The following UNC13B variants were observed in gnomAD, a reference collection of about 807,000 sequenced individuals.
UNC13B encodes unc-13 homolog B, also known as protein unc-13 homolog B.
Under a neutral mutation model 211.0 loss-of-function variants are expected in UNC13B, and 144 were observed. That is an observed-to-expected ratio of 0.68 (90% CI 0.60 to 0.78). The LOEUF is 0.78. UNC13B is among the 30% of genes least tolerant of loss of function. UNC13B has a pLI of 0.00. For synonymous variants in UNC13B, 709 were observed against 725.8 expected (o/e 0.98, Z 0.37); for missense variants, 1,777 against 2,002.0 (o/e 0.89, Z 2.14).
Position 35,313,946 on chromosome 9 carries a change from A to G in UNC13B, c.9371A>G (p.His3124Arg). ...ASSPFTQARA[H>R]WIRAVTKVRL... ...TCACCATTTACCCAAGCCAGAGCAC[A>G]TTGGATCCGAGCAGTTACCAAGGTT... The change falls in exon 11 of 40, where the codon CAT becomes CGT. Residue 3124 changes from histidine (H) to arginine (R), a missense_variant. Coordinates refer to ENST00000635942, the MANE Select transcript of UNC13B (RefSeq NM_001371189.2). The G allele has an allele frequency of 6.2e-7, 1 of 1,613,968 alleles. No individual in the cohort carries two copies. Among genetic ancestry groups the G allele is most frequent in the South Asian group, 1.1e-5 (1 of 91,084 alleles).
At chr9:35,162,447 A>G (rs1337060872) in intron 1 of UNC13B, 142 bp downstream of exon 1, 3 of 1,140,178 alleles carry the variant, frequency 2.6e-6, no homozygotes, top group Non-Finnish European at 3.6e-6. Context: ...CAATCACTTA[A>G]CAATCACTTG....
intron 1 of UNC13B, among the ~76,000 whole-genome samples, chr9:35,226,948 C>T (rs1176494523): frequency 2.0e-5 from 3 of 152,180 alleles, no homozygotes; most frequent in African/African-American, 2.4e-5. Flanking sequence ...CGTTGACTAG[C>T]ATAATGGCAA....
chr9:35,187,836 G>A (rs1477094209), intron 1 of UNC13B, among the ~76,000 whole-genome samples: 4 of 152,292 alleles, frequency 2.6e-5, no homozygotes, highest in African/African-American at 7.2e-5. Context: ...AACCCTGGAC[G>A]GGGACTGTGT....
intron 7 of UNC13B, among the ~76,000 whole-genome samples, chr9:35,278,814 A>G (rs1006757501): frequency 6.6e-6 from 1 of 152,078 alleles, no homozygotes; most frequent in Non-Finnish European, 1.5e-5. Context: ...TTTTTTCTGT[A>G]CCCTGTCCTT....
intron 1 of UNC13B, among the ~76,000 whole-genome samples, chr9:35,185,621 C>A (rs551935827): frequency 6.6e-6 from 1 of 152,162 alleles, no homozygotes; most frequent in East Asian, 1.9e-4. Flanking sequence ...TCTCTATAAT[C>A]CGAAAATAAA....
chr9:35,219,339 C>A (rs1459895183), intron 1 of UNC13B, among the ~76,000 whole-genome samples: 2 of 152,114 alleles, frequency 1.3e-5, no homozygotes, highest in Non-Finnish European at 2.9e-5. Context: ...CCACTTGACT[C>A]ATGGCTGGCA....
chr9:35,262,739 C>T (rs549725943), intron 7 of UNC13B, among the ~76,000 whole-genome samples: 3 of 151,992 alleles, frequency 2.0e-5, no homozygotes, highest in Non-Finnish European at 4.4e-5. Flanking sequence ...TAGACCAATC[C>T]GGGCAACATG....
intron 11 of UNC13B, among the ~76,000 whole-genome samples, chr9:35,314,209 C>T (rs1830331744): frequency 6.6e-6 from 1 of 152,142 alleles, no homozygotes; most frequent in Non-Finnish European, 1.5e-5. Flanking sequence ...GAGAGCCTGA[C>T]TGTAAAGTTA....
At chr9:35,351,487 GA>G in intron 11 of UNC13B, 1 of 1,232,040 alleles carries the variant, frequency 8.1e-7, no homozygotes, top group Non-Finnish European at 1.0e-6. Flanking sequence ...CCAGAAATAA[GA>G]GGAAGAAGCA....
intron 11 of UNC13B, among the ~76,000 whole-genome samples, chr9:35,350,675 G>A (rs1037256019): frequency 6.6e-6 from 1 of 152,210 alleles, no homozygotes; most frequent in African/African-American, 2.4e-5. Flanking sequence ...TGTGCGTACT[G>A]TGCCACTTTA....
intron 12 of UNC13B, among the ~76,000 whole-genome samples, chr9:35,367,835 TAAAGAG>T (rs1833873684): frequency 6.6e-6 from 1 of 152,194 alleles, no homozygotes; most frequent in African/African-American, 2.4e-5. Flanking sequence ...TGACTGTTCT[TAAAGAG>T]AGAAGAGAGT....
intron 6 of UNC13B, among the ~76,000 whole-genome samples, chr9:35,247,522 C>T (rs1465091289): frequency 2.3e-4 from 35 of 152,174 alleles, no homozygotes; most frequent in East Asian, 1.5e-3. Flanking sequence ...TTTTGAGATA[C>T]GTCCCATCAG....
chr9:35,172,324 A>G (rs1240268898), intron 1 of UNC13B, among the ~76,000 whole-genome samples: 1 of 152,158 alleles, frequency 6.6e-6, no homozygotes, highest in Non-Finnish European at 1.5e-5. Flanking sequence ...TACTGGGAAC[A>G]CTGGAATTCT....
At position 35,301,719 on chromosome 9, in the gene UNC13B, A is replaced by G; in HGVS notation, c.2315A>G (p.Lys772Arg). Residue 772 changes from lysine to arginine, a missense_variant, in exon 9 of 40, where the codon AAA (lysine) becomes AGA (arginine). Lys to Arg is a conservative substitution (Grantham distance 26). Transcript: ENST00000635942. ...CCAGATCAACAAAAAATATGTGCCA[A>G]AGATACTCCAGGACATCCTTGTATA... Reference protein sequence around the residue: ...LLPDQQKICAKDTPGHPCIAG... With the variant: ...LLPDQQKICARDTPGHPCIAG... 2 of 398,910 alleles carry G rather than the reference A, an allele frequency of 5.0e-6. No individual in the cohort carries two copies. The highest frequency in any genetic ancestry group is 8.9e-6 in the Non-Finnish European group (2 of 225,916). 24.7% of individuals were successfully genotyped at this position (398,910 alleles called of 1,614,324 possible). A position where few individuals can be genotyped will look rare whatever the true frequency, so the allele number is the denominator to read the frequency against.
At chr9:35,332,969 G>T (rs1226710598) in intron 11 of UNC13B, among the ~76,000 whole-genome samples, 4 of 152,158 alleles carry the variant, frequency 2.6e-5, no homozygotes, top group Non-Finnish European at 5.9e-5. Context: ...CAGACATCAG[G>T]ATAGTGATTA....
intron 1 of UNC13B, among the ~76,000 whole-genome samples, chr9:35,223,194 C>T (rs1383151584): frequency 6.6e-6 from 1 of 152,138 alleles, no homozygotes; most frequent in Non-Finnish European, 1.5e-5. Context: ...ACATCCTTTC[C>T]TTTGGATAAA....
Position 35,219,036 on chromosome 9 carries a change from A to G in UNC13B, c.23-8979A>G, listed in dbSNP as rs1564074839. Among the ~76,000 whole-genome samples, 3 of 152,324 alleles carry G rather than the reference A, an allele frequency of 2.0e-5. No individual in the cohort carries two copies. In the East Asian group the frequency reaches 5.8e-4, roughly 29 times the overall value. ...AGTGCTGGGATTACAGGCGTGAGCC[A>G]CTGTGCCCGGCCAGTGTTCGTGTTT... On this transcript the variant is annotated intron_variant, in intron 1 of 39. Transcript: ENST00000635942.
rs1291510879 is a variant in UNC13B, at chr9:35,400,436, C to G, written c.12477C>G (p.Thr4159=). 6.2e-7 allele frequency: 1 copy of G among 1,613,168 alleles called. No homozygotes were observed. Among genetic ancestry groups the G allele is most frequent in the South Asian group, 1.1e-5 (1 of 90,742 alleles). Residue 4159 remains threonine, a synonymous_variant, in exon 37 of 40, where the codon ACC becomes ACG. Coordinates refer to ENST00000635942, the MANE Select transcript of UNC13B (RefSeq NM_001371189.2). ...TLIKTFVRSQ[T]TQGSGVDDPV... ...TCAAGACCTTTGTGCGCTCGCAGAC[C>G]ACCCAAGGTAAGGCCCTGAGGGCTT... is the stretch of plus-strand genomic sequence containing the variant.
At position 35,382,437 on chromosome 9, in the gene UNC13B, C is replaced by A; in HGVS notation, c.10736C>A (p.Ala3579Asp). ...VMSTLLANIN[A>D]YYAHTTASTN... ...AGCACCTTACTGGCCAACATCAACG[C>A]CTACTATGCCCACACAACTGCCTCT... The change falls in exon 21 of 40, where the codon GCC becomes GAC. Residue 3579 changes from alanine to aspartate, a missense_variant. Physicochemically the swap from Ala to Asp is moderately radical, Grantham distance 126. Coordinates refer to ENST00000635942, the MANE Select transcript of UNC13B (RefSeq NM_001371189.2). 6.2e-7 allele frequency: 1 copy of A among 1,614,196 alleles called. No individual in the cohort carries two copies. The highest frequency in any genetic ancestry group is 2.2e-5 in the East Asian group (1 of 44,888).
Sources: gnomAD v4.1 joint callset for allele counts (sites outside exome capture counted in the v4.1 genomes callset) on GRCh38, gnomAD v4.1.1 for gene constraint, MANE v1.5 for transcripts, NCBI Gene and HGNC (gene_info 2026-07-23, HGNC 2026-07-21) for gene names.